The following SULF2 variants were observed in gnomAD, a reference collection of about 807,000 sequenced individuals.
The protein encoded by SULF2 is sulfatase 2.
A neutral mutation model predicts 107.7 loss-of-function variants in SULF2; 52 were observed. The observed-to-expected ratio is 0.48, with a 90% confidence interval of 0.39 to 0.61. SULF2 has a LOEUF of 0.61. SULF2 is among the 20% of genes least tolerant of loss of function. SULF2 has a pLI of 0.00. For synonymous variants in SULF2, 460 were observed against 464.3 expected, an observed-to-expected ratio of 0.99 and a Z score of 0.12; for missense variants, 993 against 1,177.3, an observed-to-expected ratio of 0.84 and a Z score of 2.29.
intron 17 of SULF2, 72 bp downstream of exon 17, chr20:47,662,998 G>A: frequency 6.3e-7 from 1 of 1,578,422 alleles, no homozygotes; most frequent in Non-Finnish European, 8.7e-7. Flanking sequence ...ACTTCCCTGA[G>A]GTTGGGGGGG....
At position 47,657,627 on chromosome 20, in the gene SULF2, G is replaced by A. The variant is rs1166733224; in HGVS notation, c.*735C>T. 2 of 151,998 alleles carry A rather than the reference G, an allele frequency of 1.3e-5. No individual in the cohort carries two copies. The highest frequency in any genetic ancestry group is 4.8e-5 in the African/African-American group (2 of 41,374). 9.4% of individuals were successfully genotyped at this position (151,998 alleles called of 1,614,324 possible). A position where few individuals can be genotyped will look rare whatever the true frequency, so the allele number is the denominator to read the frequency against. On this transcript the variant is annotated 3_prime_UTR_variant, in exon 21 of 21. Transcript: ENST00000688720. ...ATAACAAAGAAATACTAGGAGAAATGGTATCTGGACAGGAACAGAAATGTC... is the reference window on the plus strand; with the variant it reads ...ATAACAAAGAAATACTAGGAGAAATAGTATCTGGACAGGAACAGAAATGTC...
intron 4 of SULF2, among the ~76,000 whole-genome samples, chr20:47,700,313 A>C (rs1249626715): frequency 6.6e-6 from 1 of 152,278 alleles, no homozygotes; most frequent in East Asian, 1.9e-4. Context: ...GGCTGCTTTC[A>C]CACTATAACG....
chr20:47,681,718 C>T (rs2087829025), intron 7 of SULF2, among the ~76,000 whole-genome samples: 1 of 152,214 alleles, frequency 6.6e-6, no homozygotes, highest in South Asian at 2.1e-4. Flanking sequence ...GATGGAGTCT[C>T]ACTGTGTCGC....
intron 3 of SULF2, among the ~76,000 whole-genome samples, chr20:47,707,903 C>G (rs1213159310): frequency 1.3e-5 from 2 of 152,178 alleles, no homozygotes; most frequent in Non-Finnish European, 2.9e-5. Context: ...TTTGAAACAA[C>G]TGAAGTCCAG....
intron 1 of SULF2, among the ~76,000 whole-genome samples, chr20:47,783,148 C>T (rs2090861744): frequency 6.6e-6 from 1 of 152,164 alleles, no homozygotes; most frequent in Non-Finnish European, 1.5e-5. Flanking sequence ...TAGATCAATG[C>T]CTCAGATCAG....
At chr20:47,770,146 C>T in intron 1 of SULF2, among the ~76,000 whole-genome samples, 1 of 148,806 alleles carries the variant, frequency 6.7e-6, no homozygotes, top group East Asian at 2.0e-4. Flanking sequence ...CTGCAACCTC[C>T]ATTTCCCAGG....
intron 3 of SULF2, among the ~76,000 whole-genome samples, chr20:47,728,855 A>G (rs1436408736): frequency 6.6e-6 from 1 of 152,218 alleles, no homozygotes; most frequent in Non-Finnish European, 1.5e-5. Flanking sequence ...CATGTTGGCT[A>G]GGCTAGTCTC....
intron 8 of SULF2, chr20:47,677,879 C>T (rs2146477352): frequency 6.6e-6 from 1 of 152,568 alleles, no homozygotes; most frequent in East Asian, 1.9e-4. Context: ...CCCTACAGGG[C>T]AGCCAGATGT....
chr20:47,734,906 T>G (rs2089693759), intron 3 of SULF2, among the ~76,000 whole-genome samples: 1 of 152,252 alleles, frequency 6.6e-6, no homozygotes, highest in Non-Finnish European at 1.5e-5. Flanking sequence ...AGGACAAGTT[T>G]GGGAAATCCA....
chr20:47,678,880 G>T lies in SULF2; in HGVS notation c.1065-76C>A. On this transcript the variant is annotated intron_variant, in intron 7 of 20. Transcript: ENST00000688720. The surrounding 1 kb of genome is among the most constrained non-coding windows in gnomAD (Gnocchi z 4.5). ...AGCCTCGCGTGGGGGGTGGGGAGCG[G>T]TAGGTGGGCAGCAGTTTGTGGGAGG... 1.2e-5 allele frequency: 16 copies of T among 1,316,696 alleles called. No individual in the cohort carries two copies. The highest frequency in any genetic ancestry group is 1.7e-5 in the Non-Finnish European group (16 of 926,856). 81.6% of individuals were successfully genotyped at this position (1,316,696 alleles called of 1,614,324 possible).
Position 47,666,737 on chromosome 20 carries a change from C to T in SULF2, c.1577-249G>A, listed in dbSNP as rs572457893. On this transcript the variant is annotated intron_variant, in intron 11 of 20. Transcript: ENST00000688720. The surrounding 1 kb of genome is among the most constrained non-coding windows in gnomAD (Gnocchi z 5.4). ...AGAAGCCACTGACTCAAGAGGATTTCAAGCGAGAGCTGCTTGCGGGTAAAC... is the reference window on the plus strand; with the variant it reads ...AGAAGCCACTGACTCAAGAGGATTTTAAGCGAGAGCTGCTTGCGGGTAAAC... Among the ~76,000 whole-genome samples the T allele has an allele frequency of 6.6e-6, 1 of 152,352 alleles. No homozygotes were observed. Among genetic ancestry groups the T allele is most frequent in the African/African-American group, 2.4e-5 (1 of 41,594 alleles).
At chr20:47,688,554 T>C (rs1010114717) in intron 5 of SULF2, among the ~76,000 whole-genome samples, 1 of 152,194 alleles carries the variant, frequency 6.6e-6, no homozygotes, top group Non-Finnish European at 1.5e-5. Flanking sequence ...GCTTCTCCCT[T>C]AGACAGGGCT....
chr20:47,767,748 C>T (rs1446132908), intron 1 of SULF2, among the ~76,000 whole-genome samples: 3 of 152,100 alleles, frequency 2.0e-5, no homozygotes, highest in Non-Finnish European at 4.4e-5. Context: ...GCACTCCAGC[C>T]TGGGTGACAG....
chr20:47,728,057 T>A (rs1600587623), intron 3 of SULF2, among the ~76,000 whole-genome samples: 2 of 152,014 alleles, frequency 1.3e-5, no homozygotes, highest in Non-Finnish European at 2.9e-5. Context: ...GAAGGCTGGG[T>A]GTTCGCTGCA....
chr20:47,714,803 A>G (rs1341110521), intron 3 of SULF2, among the ~76,000 whole-genome samples: 1 of 151,936 alleles, frequency 6.6e-6, no homozygotes, highest in Non-Finnish European at 1.5e-5. Flanking sequence ...CAGCACCCCA[A>G]CCCCAAAGCT....
At chr20:47,779,709 C>T (rs376497654) in intron 1 of SULF2, among the ~76,000 whole-genome samples, 6 of 152,288 alleles carry the variant, frequency 3.9e-5, no homozygotes, top group Admixed American at 2.6e-4. Flanking sequence ...TGGGTTCAAA[C>T]GATTCTCCTG....
chr20:47,727,933 C>G (rs537901522), intron 3 of SULF2, among the ~76,000 whole-genome samples: 26 of 152,330 alleles, frequency 1.7e-4, no homozygotes, highest in Admixed American at 1.2e-3. Flanking sequence ...AGAAATTTCG[C>G]TTGAAGATGT....
Position 47,698,495 on chromosome 20 carries a change from C to T in SULF2, c.567+4024G>A, listed in dbSNP as rs570798511. On this transcript the variant is annotated intron_variant, in intron 4 of 20. Transcript: ENST00000688720. ...GAAGCTGGGAGGATATAAGGAAGGCCGCACTGCTACCAGGAGGAGAGAGAG... is the reference window on the plus strand; with the variant it reads ...GAAGCTGGGAGGATATAAGGAAGGCTGCACTGCTACCAGGAGGAGAGAGAG... 5.3e-5 allele frequency among the ~76,000 whole-genome samples: 8 copies of T among 151,318 alleles called. No homozygotes were observed. In the South Asian group the frequency reaches 8.3e-4, roughly 16 times the overall value.
At chr20:47,751,791 G>A (rs2090162791) in intron 2 of SULF2, among the ~76,000 whole-genome samples, 1 of 152,236 alleles carries the variant, frequency 6.6e-6, no homozygotes, top group Non-Finnish European at 1.5e-5. Context: ...CTGACAGAGA[G>A]TGGTTGTGAC....
Sources: allele counts gnomAD v4.1 joint callset (sites outside exome capture counted in the v4.1 genomes callset), GRCh38; gene constraint gnomAD v4.1.1; non-coding constraint Gnocchi (gnomAD v3.1); transcripts MANE v1.5; gene names NCBI Gene and HGNC (gene_info 2026-07-23, HGNC 2026-07-21).